NECTIN3: variants seen among roughly 807,000 people sequenced by gnomAD.
NECTIN3 encodes nectin cell adhesion molecule 3.
In NECTIN3, 8 loss-of-function variants were observed where a neutral mutation model predicts 49.4. That is an observed-to-expected ratio of 0.16 (90% CI 0.10 to 0.29). The LOEUF (loss-of-function observed/expected upper bound fraction) is 0.29. Among genes scored for constraint, NECTIN3 ranks in the 10% least tolerant of loss-of-function variants. NECTIN3 has a pLI of 1.00. For synonymous variants in NECTIN3, 277 were observed against 241.1 expected, an observed-to-expected ratio of 1.15 and a Z score of -1.38; for missense variants, 581 against 654.6, an observed-to-expected ratio of 0.89 and a Z score of 1.23.
chr3:111,086,869 CTATT>C (rs2031963521), intron 1 of NECTIN3, among the ~76,000 whole-genome samples: 1 of 151,986 alleles, frequency 6.6e-6, no homozygotes, highest in Non-Finnish European at 1.5e-5. Context: ...CCTGTTTTAT[CTATT>C]TATTGAGGTT....
At chr3:111,095,233 G>T (rs1342534278) in intron 1 of NECTIN3, among the ~76,000 whole-genome samples, 4 of 152,004 alleles carry the variant, frequency 2.6e-5, no homozygotes, top group Non-Finnish European at 5.9e-5. Flanking sequence ...AGAGACTTGA[G>T]GGAAAAATCT....
intron 3 of NECTIN3, among the ~76,000 whole-genome samples, chr3:111,119,751 G>A (rs1559790781): frequency 6.6e-6 from 1 of 152,200 alleles, no homozygotes; most frequent in Non-Finnish European, 1.5e-5. Context: ...GGTGATGGCT[G>A]CAGATAGCTT....
intron 3 of NECTIN3, among the ~76,000 whole-genome samples, chr3:111,120,023 T>C (rs1177545836): frequency 6.6e-6 from 1 of 152,200 alleles, no homozygotes; most frequent in Non-Finnish European, 1.5e-5. Flanking sequence ...TTAAAAAATG[T>C]TACTACCATT....
intron 7 of NECTIN3, among the ~76,000 whole-genome samples, chr3:111,172,254 C>G (rs1339018025): frequency 6.6e-6 from 1 of 152,182 alleles, no homozygotes; most frequent in African/African-American, 2.4e-5. Flanking sequence ...TCCACATACA[C>G]TCACGCATGT....
chr3:111,092,698 G>A (rs1041052835), intron 1 of NECTIN3, among the ~76,000 whole-genome samples: 1 of 152,124 alleles, frequency 6.6e-6, no homozygotes, highest in African/African-American at 2.4e-5. Flanking sequence ...CAGTCACACA[G>A]TTTTAGTCAC....
chr3:111,146,555 A>T (rs2034881867), intron 6 of NECTIN3, among the ~76,000 whole-genome samples: 1 of 152,044 alleles, frequency 6.6e-6, no homozygotes, highest in African/African-American at 2.4e-5. Flanking sequence ...TAACCATTTT[A>T]TTTATCACTT....
At position 111,135,155 on chromosome 3, in the gene NECTIN3, G is replaced by A; in HGVS notation, c.*940G>A. On this transcript the variant is annotated 3_prime_UTR_variant, in exon 6 of 6. Coordinates refer to ENST00000485303, the MANE Select transcript of NECTIN3 (RefSeq NM_015480.3). ...CAACAATCTATAGAAAGAATTTTAT[G>A]GACCATCTTGTTTTAGTTATTTAAT... is the stretch of plus-strand genomic sequence containing the variant. The A allele has an allele frequency of 1.0e-6, 1 of 982,062 alleles. No individual in the cohort carries two copies. The highest frequency in any genetic ancestry group is 1.1e-4 in the East Asian group (1 of 8,784). 60.8% of individuals were successfully genotyped at this position (982,062 alleles called of 1,614,324 possible).
At chr3:111,148,030 G>A (rs1026569268) in intron 7 of NECTIN3, among the ~76,000 whole-genome samples, 2 of 152,154 alleles carry the variant, frequency 1.3e-5, no homozygotes, top group African/African-American at 2.4e-5. Context: ...TAAACTATCA[G>A]AATATTTGAA....
intron 7 of NECTIN3, among the ~76,000 whole-genome samples, chr3:111,159,615 T>C (rs780586942): frequency 2.4e-4 from 37 of 152,168 alleles, no homozygotes; most frequent in Non-Finnish European, 4.3e-4. Context: ...GAAAACACCA[T>C]TTGAGGTCTC....
Position 111,136,306 on chromosome 3 carries a change from T to C in NECTIN3, c.*2091T>C, listed in dbSNP as rs2034573058. ...AAATATATTTCAAAAATATAAATAC[T>C]GATTATGAACTTCCTTTTACATTGT... On this transcript the variant is annotated 3_prime_UTR_variant, in exon 6 of 6. Coordinates refer to ENST00000485303, the MANE Select transcript of NECTIN3 (RefSeq NM_015480.3). 4 of 978,240 alleles carry C rather than the reference T, an allele frequency of 4.1e-6. No individual in the cohort carries two copies. The highest frequency in any genetic ancestry group is 4.9e-6 in the Non-Finnish European group (4 of 823,544). The allele number at this position is 978,240 out of a possible 1,614,324, so 60.6% of individuals were successfully genotyped here.
At chr3:111,144,256 C>T (rs374253219) in intron 5 of NECTIN3, among the ~76,000 whole-genome samples, 6 of 151,992 alleles carry the variant, frequency 3.9e-5, no homozygotes, top group African/African-American at 1.2e-4. Context: ...TGACATATGT[C>T]TATGGCCAGG....
intron 4 of NECTIN3, among the ~76,000 whole-genome samples, chr3:111,124,549 G>A (rs182612578): frequency 6.6e-6 from 1 of 152,286 alleles, no homozygotes; most frequent in East Asian, 1.9e-4. Context: ...GCCGATACTT[G>A]CAAAAATTTT....
chr3:111,096,428 T>C (rs1207331769), intron 1 of NECTIN3, among the ~76,000 whole-genome samples: 1 of 152,098 alleles, frequency 6.6e-6, no homozygotes. Context: ...GAAAAGAAAA[T>C]CCCATTTTCT....
rs940235690 is a variant in NECTIN3, at chr3:111,082,977, A to C, written c.160+10800A>C. ...GTTCGTGCTCCTGTGAGAATCTAAT[A>C]CTGCTGCTGATCTGATAGCAGGCAG... is the stretch of plus-strand genomic sequence containing the variant. On this transcript the variant is annotated intron_variant, in intron 1 of 5. Coordinates refer to ENST00000485303, the MANE Select transcript of NECTIN3 (RefSeq NM_015480.3). 3.9e-5 allele frequency among the ~76,000 whole-genome samples: 6 copies of C among 152,268 alleles called. No individual in the cohort carries two copies. The South Asian group carries it at 1.2e-3, about 32-fold the overall frequency.
intron 1 of NECTIN3, chr3:111,072,414 G>A: frequency 2.0e-6 from 3 of 1,524,398 alleles, no homozygotes; most frequent in Non-Finnish European, 1.8e-6. Flanking sequence ...GCGGGTCGCC[G>A]TGCGGATGGC....
intron 1 of NECTIN3, among the ~76,000 whole-genome samples, chr3:111,082,335 A>G (rs1201734162): frequency 6.6e-6 from 1 of 152,048 alleles, no homozygotes. Flanking sequence ...GGATTGAGGT[A>G]TTTGCATTGA....
chr3:111,075,635 C>T lies in NECTIN3; in HGVS notation c.160+3458C>T, dbSNP rs183460226. ...CTGAATAATTGAGTTTTCAAATTGA[C>T]TTTCTGTATTTGTACTTTACATCTA... On this transcript the variant is annotated intron_variant, in intron 1 of 5. Transcript: ENST00000485303. Among the ~76,000 whole-genome samples, 22 of 152,198 alleles carry T rather than the reference C, an allele frequency of 1.4e-4. 1 individual carries two copies. Among genetic ancestry groups the T allele is most frequent in the African/African-American group, 5.1e-4 (21 of 41,560 alleles).
chr3:111,136,206 G>A lies in NECTIN3; in HGVS notation c.*1991G>A, dbSNP rs2107498994. On this transcript the variant is annotated 3_prime_UTR_variant, in exon 6 of 6. Transcript: ENST00000485303. ...TTGAAATACTGTATGGATCTGAACA[G>A]AATAATCACATTTAGGATTCTATAT... 3.1e-6 allele frequency: 3 copies of A among 966,152 alleles called. No individual in the cohort carries two copies. The South Asian group carries it at 1.4e-4, about 46-fold the overall frequency. The allele number at this position is 966,152 out of a possible 1,614,324, so 59.8% of individuals were successfully genotyped here.
chr3:111,118,248 C>CTATATATATATATATATATATATATA (rs34878535), intron 2 of NECTIN3, among the ~76,000 whole-genome samples: 4 of 77,998 alleles, frequency 5.1e-5, no homozygotes, highest in Admixed American at 1.6e-4. Flanking sequence ...TAAAATGAAG[C>CTATATATATATATATATATATATATA]TATATATATA....
Sources: allele counts gnomAD v4.1 joint callset (sites outside exome capture counted in the v4.1 genomes callset), GRCh38; gene constraint gnomAD v4.1.1; transcripts MANE v1.5; gene names NCBI Gene and HGNC (gene_info 2026-07-23, HGNC 2026-07-21).